Variants in STON2 observed in about 807,000 individuals in gnomAD.
The protein encoded by STON2 is stonin-2.
A neutral mutation model predicts 65.7 loss-of-function variants in STON2; 29 were observed. The observed-to-expected ratio is 0.44, with a 90% confidence interval of 0.33 to 0.60. The LOEUF is 0.60. STON2 is among the 20% of genes least tolerant of loss of function. The pLI is 0.03. For missense variants in STON2, 1,054 were observed against 1,118.1 expected, an observed-to-expected ratio of 0.94 and a Z score of 0.82; for synonymous variants, 404 against 414.2, an observed-to-expected ratio of 0.98 and a Z score of 0.30.
chr14:81,319,393 G>A (rs1235723547), intron 5 of STON2, among the ~76,000 whole-genome samples: 1 of 151,914 alleles, frequency 6.6e-6, no homozygotes, highest in Non-Finnish European at 1.5e-5. Context: ...TTATTCATGA[G>A]TCCGCATCAT....
intron 5 of STON2, among the ~76,000 whole-genome samples, chr14:81,281,349 A>G (rs1895109613): frequency 6.6e-6 from 1 of 152,200 alleles, no homozygotes; most frequent in Non-Finnish European, 1.5e-5. Flanking sequence ...GTGAAATATA[A>G]TCACTTCCTT....
intron 2 of STON2, among the ~76,000 whole-genome samples, chr14:81,408,252 G>C (rs543808749): frequency 6.6e-6 from 1 of 151,834 alleles, no homozygotes; most frequent in Non-Finnish European, 1.5e-5. Flanking sequence ...TTATTATTTC[G>C]ACGTTTAAAA....
At chr14:81,315,664 T>C (rs1278747871) in intron 5 of STON2, among the ~76,000 whole-genome samples, 1 of 152,268 alleles carries the variant, frequency 6.6e-6, no homozygotes, top group Non-Finnish European at 1.5e-5. Flanking sequence ...CAGAAACACC[T>C]GGGAAGAATC....
At chr14:81,310,112 T>C (rs762359838) in intron 5 of STON2, among the ~76,000 whole-genome samples, 5 of 152,224 alleles carry the variant, frequency 3.3e-5, no homozygotes, top group Non-Finnish European at 5.9e-5. Context: ...CTAAAATTCA[T>C]ATATATTCTT....
intron 3 of STON2, among the ~76,000 whole-genome samples, chr14:81,388,153 T>C (rs1306225811): frequency 6.6e-6 from 1 of 151,664 alleles, no homozygotes; most frequent in African/African-American, 2.4e-5. Context: ...TTTCACCATG[T>C]TGGCCAGGCT....
chr14:81,427,409 C>G (rs375528155), intron 1 of STON2: 1 of 152,204 alleles, frequency 6.6e-6, no homozygotes, highest in Non-Finnish European at 1.5e-5. Context: ...GCCAAGTCAC[C>G]CAGACCGGAG....
intron 4 of STON2, among the ~76,000 whole-genome samples, chr14:81,357,439 T>G (rs1358291417): frequency 6.6e-5 from 10 of 151,722 alleles, no homozygotes; most frequent in Admixed American, 4.6e-4. Flanking sequence ...GGAACACTTT[T>G]ACACTGTTGG....
rs574653524 is a variant in STON2, at chr14:81,282,940, T to C, written c.743-4201A>G. The stretch of plus-strand genomic sequence containing the variant: ...CCAAGTATCTTGATCACAAAGCTAA[T>C]TCTTCTCCACAATTCAATTTACTAA... On this transcript the variant is annotated intron_variant, in intron 5 of 7. Coordinates refer to ENST00000614646, the MANE Select transcript of STON2 (RefSeq NM_001394390.1). Among the ~76,000 whole-genome samples the C allele has an allele frequency of 7.2e-5, 11 of 152,298 alleles. No individual in the cohort carries two copies. The South Asian group carries it at 2.1e-3, about 29-fold the overall frequency.
intron 4 of STON2, among the ~76,000 whole-genome samples, chr14:81,368,404 T>C (rs1898834595): frequency 6.6e-6 from 1 of 152,192 alleles, no homozygotes; most frequent in South Asian, 2.1e-4. Flanking sequence ...GTGCTAGCTA[T>C]AACTATTACT....
At chr14:81,370,886 G>T in intron 4 of STON2, 102 bp downstream of exon 4, 2 of 1,096,788 alleles carry the variant, frequency 1.8e-6, no homozygotes, top group Non-Finnish European at 2.6e-6. Flanking sequence ...AACTCATTCT[G>T]CAAAGGAAGC....
intron 2 of STON2, among the ~76,000 whole-genome samples, chr14:81,416,009 G>A (rs1446523168): frequency 6.6e-6 from 1 of 152,122 alleles, no homozygotes; most frequent in Non-Finnish European, 1.5e-5. Context: ...GAGGCTTCCT[G>A]GAAGAGGCTG....
chr14:81,268,345 AC>A lies in STON2; in HGVS notation c.*68del. On this transcript the variant is annotated 3_prime_UTR_variant, in exon 8 of 8. Transcript: ENST00000614646. ...TGCAACTTCAGCTACTCAGGAAGAC[AC>A]CCTATCATGACTCAGGAAGACACCC... is the stretch of plus-strand genomic sequence containing the variant. 1 of 1,281,908 alleles carries A rather than the reference AC, an allele frequency of 7.8e-7. No individual in the cohort carries two copies. The highest frequency in any genetic ancestry group is 1.0e-6 in the Non-Finnish European group (1 of 985,450). The allele number at this position is 1,281,908 out of a possible 1,614,324, so 79.4% of individuals were successfully genotyped here.
In STON2 at chr14:81,270,055, T is replaced by G. The variant is rs1227732983; in HGVS notation, c.2784+615A>C. ...CACTACTCTGTGACATAAATTATAT[T>G]GCAAATGAATAATAACAATTCCTTT... On this transcript the variant is annotated intron_variant, in intron 7 of 7. Transcript: ENST00000614646. The G allele has an allele frequency of 1.0e-5, 10 of 982,794 alleles. No homozygotes were observed. The East Asian group carries it at 1.0e-3, about 101-fold the overall frequency. The allele number at this position is 982,794 out of a possible 1,614,324, so 60.9% of individuals were successfully genotyped here.
At chr14:81,279,705 A>G (rs1895030330) in intron 5 of STON2, among the ~76,000 whole-genome samples, 1 of 135,786 alleles carries the variant, frequency 7.4e-6, no homozygotes, top group African/African-American at 3.3e-5. Flanking sequence ...ATGAAAAATG[A>G]AAAAAAAAAA....
Position 81,263,853 on chromosome 14 carries a change from C to T in STON2, c.*4561G>A, listed in dbSNP as rs1326892836. ...AGGCTTTTAAGAAAAAACTTCAGCTCATTCTGTTTTCCCACCACTAAACTT... is the reference window on the plus strand; with the variant it reads ...AGGCTTTTAAGAAAAAACTTCAGCTTATTCTGTTTTCCCACCACTAAACTT... On this transcript the variant is annotated 3_prime_UTR_variant, in exon 8 of 8. Coordinates refer to ENST00000614646, the MANE Select transcript of STON2 (RefSeq NM_001394390.1). 11 of 985,326 alleles carry T rather than the reference C, an allele frequency of 1.1e-5. No individual in the cohort carries two copies. Among genetic ancestry groups the T allele is most frequent in the African/African-American group, 1.7e-5 (1 of 57,248 alleles). The allele number at this position is 985,326 out of a possible 1,614,324, so 61.0% of individuals were successfully genotyped here.
chr14:81,351,077 A>T lies in STON2; in HGVS notation c.571+19911T>A, dbSNP rs148660934. 4.9e-3 allele frequency among the ~76,000 whole-genome samples: 751 copies of T among 152,262 alleles called. 5 individuals are homozygous for T. Among genetic ancestry groups the T allele is most frequent in the African/African-American group, 0.018 (730 of 41,552 alleles). The stretch of plus-strand genomic sequence containing the variant: ...CTATCTACATTTAAAATATTCAGTA[A>T]AACAGTTCAGAATTATGACCGGAGG... On this transcript the variant is annotated intron_variant, in intron 4 of 7. Transcript: ENST00000614646.
intron 5 of STON2, among the ~76,000 whole-genome samples, chr14:81,318,563 G>A (rs534431948): frequency 6.6e-6 from 1 of 152,276 alleles, no homozygotes; most frequent in South Asian, 2.1e-4. Flanking sequence ...CTAAAAAAGT[G>A]AAATAGGCTG....
intron 2 of STON2, among the ~76,000 whole-genome samples, chr14:81,413,673 G>A (rs991323279): frequency 1.4e-5 from 2 of 138,530 alleles, no homozygotes; most frequent in Admixed American, 7.2e-5. Flanking sequence ...GCGTTTGTCT[G>A]TGATCCCAGC....
intron 4 of STON2, among the ~76,000 whole-genome samples, chr14:81,360,958 T>C (rs1184256875): frequency 6.6e-6 from 1 of 151,718 alleles, no homozygotes; most frequent in African/African-American, 2.4e-5. Flanking sequence ...ACCAAAGAGG[T>C]GAAAACTATA....
Sources: allele counts gnomAD v4.1 joint callset (sites outside exome capture counted in the v4.1 genomes callset), GRCh38; gene constraint gnomAD v4.1.1; transcripts MANE v1.5; gene names NCBI Gene and HGNC (gene_info 2026-07-23, HGNC 2026-07-21).